The following GRAMD1B variants were observed in gnomAD, a reference collection of about 807,000 sequenced individuals.
GRAMD1B encodes the protein protein Aster-B.
A neutral mutation model predicts 99.7 loss-of-function variants in GRAMD1B; 37 were observed. That is an observed-to-expected ratio of 0.37 (90% confidence interval 0.29 to 0.49). GRAMD1B has a LOEUF of 0.49. Ranked by LOEUF, GRAMD1B falls within the 20% of genes least tolerant of loss-of-function variation. The pLI is 0.98. For missense variants in GRAMD1B, 888 were observed against 1,009.2 expected, an observed-to-expected ratio of 0.88 and a Z score of 1.63; for synonymous variants, 427 against 387.6, an observed-to-expected ratio of 1.10 and a Z score of -1.19.
In GRAMD1B at chr11:123,492,132, G is replaced by A. The variant is rs1294850434; in HGVS notation, c.452+11239G>A. Among the ~76,000 whole-genome samples, 1 of 152,204 alleles carries A rather than the reference G, an allele frequency of 6.6e-6. No homozygotes were observed. Among genetic ancestry groups the A allele is most frequent in the Admixed American group, 6.5e-5 (1 of 15,286 alleles). ...GGATGTTGACTGGGAGACTGAGTCT[G>A]TGCCTCACTGTGTGCCTCCCAACGA... On this transcript the variant is annotated intron_variant, in intron 2 of 19. Transcript: ENST00000635736. This position sits in a 1 kb window ranked among gnomAD's most constrained non-coding sequence, Gnocchi z 4.2.
chr11:123,431,810 A>G (rs1948906994), intron 1 of GRAMD1B, among the ~76,000 whole-genome samples: 2 of 152,156 alleles, frequency 1.3e-5, no homozygotes, highest in South Asian at 4.1e-4. Context: ...GCCTAGGTCA[A>G]TGTGGCATCT....
chr11:123,496,617 G>A (rs1489568638), intron 2 of GRAMD1B, among the ~76,000 whole-genome samples: 1 of 150,906 alleles, frequency 6.6e-6, no homozygotes, highest in East Asian at 1.9e-4. Context: ...TCTAGATCTC[G>A]TAGGCATGCT....
chr11:123,608,619 C>T (rs371065885), intron 11 of GRAMD1B, 40 bp from the exon 12 acceptor site: 47 of 1,565,742 alleles, frequency 3.0e-5, no homozygotes, highest in Non-Finnish European at 3.4e-5. Flanking sequence ...CCTCCCCCTC[C>T]GCTGTCACTG....
At chr11:123,522,475 C>T (rs551096085) in intron 2 of GRAMD1B, among the ~76,000 whole-genome samples, 11 of 152,236 alleles carry the variant, frequency 7.2e-5, no homozygotes, top group African/African-American at 1.9e-4. Context: ...TGCCCTACCA[C>T]GCGTGGCTAA....
chr11:123,553,398 T>C (rs1210521025), intron 2 of GRAMD1B, among the ~76,000 whole-genome samples: 1 of 152,246 alleles, frequency 6.6e-6, no homozygotes, highest in Non-Finnish European at 1.5e-5. Flanking sequence ...TCTGCTGGGC[T>C]GCATTTTGTC....
At chr11:123,547,590 C>G (rs1290810) in intron 2 of GRAMD1B, among the ~76,000 whole-genome samples, 6 of 151,974 alleles carry the variant, frequency 3.9e-5, no homozygotes, top group African/African-American at 1.5e-4. Flanking sequence ...AAAAAAAGAC[C>G]TTTCTCCCCT....
At chr11:123,428,246 C>A (rs1283506846), upstream of GRAMD1B, among the ~76,000 whole-genome samples, 1 of 152,196 alleles carries the variant, frequency 6.6e-6, no homozygotes, top group East Asian at 1.9e-4. Flanking sequence ...AAGTACAAGG[C>A]AGTGAACAAA....
rs58113764 is a variant in GRAMD1B, at chr11:123,492,865, T to TAC, written c.452+12001_452+12002dup. Among the ~76,000 whole-genome samples the TAC allele has an allele frequency of 0.13, 19,951 of 147,906 alleles. 1,567 individuals are homozygous for TAC. Among genetic ancestry groups the TAC allele is most frequent in the Admixed American group, 0.23 (3,424 of 14,864 alleles). ...TCTCTCTGTCTCTCTCTTTCACACA[T>TAC]ACACACACACACACACACACACACA... On this transcript the variant is annotated intron_variant, in intron 2 of 19. Transcript: ENST00000635736. The surrounding 1 kb of genome is among the most constrained non-coding windows in gnomAD (Gnocchi z 4.2).
chr11:123,594,224 C>CTTCTCTCT, intron 5 of GRAMD1B, 58 bp downstream of exon 5: 1 of 1,192,170 alleles, frequency 8.4e-7, no homozygotes. Context: ...CCCGGCATAG[C>CTTCTCTCT]ACTCAGGGTG....
intron 7 of GRAMD1B, chr11:123,597,952 T>TC (rs1177304613): frequency 7.0e-6 from 8 of 1,145,452 alleles, no homozygotes; most frequent in Non-Finnish European, 1.1e-5. Flanking sequence ...ACTAGAGCAG[T>TC]CCTTGTTTTT....
chr11:123,613,399 G>C (rs1953872188), intron 15 of GRAMD1B, 56 bp from the exon 16 acceptor site: 2 of 1,245,728 alleles, frequency 1.6e-6, no homozygotes, highest in Non-Finnish European at 2.3e-6. Context: ...GTTCTGCAGA[G>C]AGTTGCATTG....
At chr11:123,601,953 T>A (rs112271719) in intron 8 of GRAMD1B, among the ~76,000 whole-genome samples, 3 of 152,316 alleles carry the variant, frequency 2.0e-5, no homozygotes, top group African/African-American at 7.2e-5. Context: ...GTCAGAGAAG[T>A]CTGCAGAGAG....
In GRAMD1B at chr11:123,430,707, G is replaced by C. The variant is rs567851153; in HGVS notation, c.-86G>C. ...CCCCAGGATTGGGGAGTGTGCCGCG[G>C]GGCCGAGGGTGGGGAACAGCCAGAG... On this transcript the variant is annotated 5_prime_UTR_variant, in exon 1 of 20. Transcript: ENST00000635736. The C allele has an allele frequency of 3.4e-6, 2 of 585,244 alleles. No homozygotes were observed. Among genetic ancestry groups the C allele is most frequent in the South Asian group, 4.1e-5 (2 of 48,976 alleles). 36.3% of individuals were successfully genotyped at this position (585,244 alleles called of 1,614,324 possible). A position where few individuals can be genotyped will look rare whatever the true frequency, so the allele number is the denominator to read the frequency against.
intron 2 of GRAMD1B, among the ~76,000 whole-genome samples, chr11:123,490,883 G>C (rs1265270860): frequency 6.6e-6 from 1 of 152,218 alleles, no homozygotes; most frequent in African/African-American, 2.4e-5. Context: ...TGGTAGGAAG[G>C]CGAGGAGGTT....
At chr11:123,361,953 T>G (rs1322036462) in intron 1 of GRAMD1B, among the ~76,000 whole-genome samples, 4 of 152,298 alleles carry the variant, frequency 2.6e-5, no homozygotes, top group African/African-American at 9.6e-5. Context: ...AAAGCCTCAT[T>G]TGGTAGGCAT....
At chr11:123,448,041 A>G (rs988748852) in intron 1 of GRAMD1B, among the ~76,000 whole-genome samples, 12 of 151,688 alleles carry the variant, frequency 7.9e-5, no homozygotes, top group East Asian at 1.9e-4. Flanking sequence ...TTTAAAAAAA[A>G]AGAGAGAGAG....
At chr11:123,434,165 G>T (rs1591523172) in intron 1 of GRAMD1B, among the ~76,000 whole-genome samples, 1 of 148,198 alleles carries the variant, frequency 6.7e-6, no homozygotes, top group East Asian at 2.0e-4. Flanking sequence ...AGGAGGTGGA[G>T]GTTGCAGTGA....
intron 1 of GRAMD1B, among the ~76,000 whole-genome samples, chr11:123,467,831 C>G (rs1388352664): frequency 5.5e-5 from 6 of 108,192 alleles, no homozygotes; most frequent in African/African-American, 2.1e-4. Flanking sequence ...CCCTCCCTCC[C>G]TCCCTCCCTC....
chr11:123,456,168 G>A (rs1422888443), intron 1 of GRAMD1B, among the ~76,000 whole-genome samples: 1 of 148,530 alleles, frequency 6.7e-6, no homozygotes, highest in Non-Finnish European at 1.5e-5. Context: ...GAGAGAGACT[G>A]TCTCAAAAAC....
Sources: allele counts gnomAD v4.1 joint callset (sites outside exome capture counted in the v4.1 genomes callset), GRCh38; gene constraint gnomAD v4.1.1; non-coding constraint Gnocchi (gnomAD v3.1); transcripts MANE v1.5; gene names NCBI Gene and HGNC (gene_info 2026-07-23, HGNC 2026-07-21).